The following LDAH variants were observed in gnomAD, a reference collection of about 807,000 sequenced individuals.
LDAH encodes lipid droplet-associated hydrolase.
Under a neutral mutation model 29.6 loss-of-function variants are expected in LDAH, and 26 were observed. The observed-to-expected ratio is 0.88, with a 90% CI of 0.64 to 1.22. The LOEUF (loss-of-function observed/expected upper bound fraction) is 1.22, where lower values mean the gene tolerates loss of function less well. LDAH is among the 50% of genes most tolerant of loss of function. LDAH has a pLI of 0.00. For synonymous variants in LDAH, 117 were observed against 133.0 expected (o/e 0.88, Z 0.83); for missense variants, 344 against 387.3 (o/e 0.89, Z 0.94).
Position 20,764,177 on chromosome 2 carries a change from A to ATGTG in LDAH, c.468+10629_468+10632dup, listed in dbSNP as rs10647267. Among the ~76,000 whole-genome samples, 29 of 152,014 alleles carry ATGTG rather than the reference A, an allele frequency of 1.9e-4. No homozygotes were observed. In the East Asian group the frequency reaches 3.5e-3, roughly 18 times the overall value. ...TATTCTGGGTAACTCAGAAAAGATA[A>ATGTG]TGTGTGTGTGTGCGCACAAATATGC... is the stretch of plus-strand genomic sequence containing the variant. On this transcript the variant is annotated intron_variant, in intron 4 of 6. Transcript: ENST00000237822.
intron 5 of LDAH, among the ~76,000 whole-genome samples, chr2:20,722,507 C>G (rs949339506): frequency 1.3e-5 from 2 of 151,308 alleles, no homozygotes; most frequent in African/African-American, 4.9e-5. Flanking sequence ...AAAACAGAAT[C>G]AGATATAAGA....
At chr2:20,772,355 G>C (rs1669490575) in intron 4 of LDAH, among the ~76,000 whole-genome samples, 1 of 152,232 alleles carries the variant, frequency 6.6e-6, no homozygotes, top group African/African-American at 2.4e-5. Context: ...AAGACACCTG[G>C]AACAACTAAC....
intron 1 of LDAH, among the ~76,000 whole-genome samples, chr2:20,803,483 T>C (rs1432110830): frequency 6.6e-6 from 1 of 152,206 alleles, no homozygotes; most frequent in Non-Finnish European, 1.5e-5. Flanking sequence ...TCTAGATTGC[T>C]ACACAGGGAG....
chr2:20,799,970 C>T (rs892844887), intron 2 of LDAH, among the ~76,000 whole-genome samples: 1 of 152,192 alleles, frequency 6.6e-6, no homozygotes, highest in South Asian at 2.1e-4. Context: ...ACAGGATAAT[C>T]TACTTTACAA....
rs959619699 is a variant in LDAH at position 20,686,104 on chromosome 2, A to G, written c.*799T>C. 2 of 156,044 alleles carry G rather than the reference A, an allele frequency of 1.3e-5. No homozygotes were observed. The highest frequency in any genetic ancestry group is 4.8e-5 in the African/African-American group (2 of 41,486). The allele number at this position is 156,044 out of a possible 1,614,324, so 9.7% of individuals were successfully genotyped here. ...GGAGCAACTGTACGTTGGCACATCC[A>G]AGCCTGCTTTGGGACAGCCCAGTGC... On this transcript the variant is annotated 3_prime_UTR_variant, in exon 7 of 7. Transcript: ENST00000237822.
rs1662586075 is a variant in LDAH, at chr2:20,686,747, C to T, written c.*156G>A. ...GATTCATCAACTGTGTTTACTTCAG[C>T]CTATAACATGGCGAGCGGAGAGTTG... On this transcript the variant is annotated 3_prime_UTR_variant, in exon 7 of 7. Coordinates refer to ENST00000237822, the MANE Select transcript of LDAH (RefSeq NM_021925.4). The T allele has an allele frequency of 1.6e-6, 1 of 635,730 alleles. No homozygotes were observed. Among genetic ancestry groups the T allele is most frequent in the African/African-American group, 1.8e-5 (1 of 54,208 alleles). 39.4% of individuals were successfully genotyped at this position (635,730 alleles called of 1,614,324 possible).
At chr2:20,716,394 G>A (rs1254665615) in intron 5 of LDAH, among the ~76,000 whole-genome samples, 1 of 152,072 alleles carries the variant, frequency 6.6e-6, no homozygotes, top group African/African-American at 2.4e-5. Context: ...ATACTATGCA[G>A]CCATAAAGAA....
intron 1 of LDAH, among the ~76,000 whole-genome samples, chr2:20,811,174 C>A (rs1386153349): frequency 1.3e-5 from 2 of 151,040 alleles, no homozygotes; most frequent in South Asian, 2.1e-4. Context: ...CCCGCCACCA[C>A]GGCCGGCTAA....
intron 1 of LDAH, among the ~76,000 whole-genome samples, chr2:20,809,068 G>A (rs895975003): frequency 1.3e-5 from 2 of 151,924 alleles, no homozygotes; most frequent in African/African-American, 2.4e-5. Flanking sequence ...CAAAGGTTTC[G>A]TAAACAAGGT....
intron 4 of LDAH, among the ~76,000 whole-genome samples, chr2:20,771,921 G>A (rs634177): frequency 0.99 from 150,671 of 152,320 alleles, 74,532 homozygotes; most frequent in Middle Eastern, 1. Flanking sequence ...TCCACAAATA[G>A]AGTAGGTTAA....
At chr2:20,689,782 G>T (rs556375678) in intron 6 of LDAH, among the ~76,000 whole-genome samples, 5 of 152,308 alleles carry the variant, frequency 3.3e-5, no homozygotes, top group African/African-American at 1.2e-4. Flanking sequence ...TGGAAAGTCA[G>T]ACTTGGGTTC....
chr2:20,774,890 C>A lies in LDAH; in HGVS notation c.388G>T (p.Asp130Tyr), dbSNP rs756215719. Residue 130 changes from aspartate (D) to tyrosine (Y), a missense_variant, in exon 4 of 7, where the codon GAC becomes TAC. Physicochemically the swap from Asp to Tyr is radical, Grantham distance 160. Transcript: ENST00000237822. ...LAFLRTHVPK[D>Y]MKLVLIGHSI... ...TGGCCAATGAGCACAAGTTTCATGTCCTTTGGCACATGAGTTCTCAGGAAA... is the reference window on the plus strand; with the variant it reads ...TGGCCAATGAGCACAAGTTTCATGTACTTTGGCACATGAGTTCTCAGGAAA... 6.2e-7 allele frequency: 1 copy of A among 1,613,592 alleles called. No individual in the cohort carries two copies. The highest frequency in any genetic ancestry group is 1.7e-4 in the Middle Eastern group (1 of 5,740).
Position 20,781,191 on chromosome 2 carries a change from T to C in LDAH, c.299-6212A>G, listed in dbSNP as rs114391523. Among the ~76,000 whole-genome samples, 341 of 152,266 alleles carry C rather than the reference T, an allele frequency of 2.2e-3. 2 individuals carry two copies. Among genetic ancestry groups the C allele is most frequent in the African/African-American group, 7.8e-3 (323 of 41,540 alleles). ...TGTGCTGACTCTATAGCAAATCAAATCCAGAAAACAGTTTATACTCCTAAC... is the reference window on the plus strand; with the variant it reads ...TGTGCTGACTCTATAGCAAATCAAACCCAGAAAACAGTTTATACTCCTAAC... On this transcript the variant is annotated intron_variant, in intron 3 of 6. Transcript: ENST00000237822.
intron 5 of LDAH, among the ~76,000 whole-genome samples, chr2:20,733,936 A>C (rs912340330): frequency 6.6e-6 from 1 of 152,170 alleles, no homozygotes; most frequent in Non-Finnish European, 1.5e-5. Context: ...TTAAAGATCT[A>C]ACTTTTGTTA....
chr2:20,739,596 G>T (rs545357528), intron 5 of LDAH, among the ~76,000 whole-genome samples: 1 of 152,258 alleles, frequency 6.6e-6, no homozygotes, highest in East Asian at 1.9e-4. Flanking sequence ...AACTCTACAA[G>T]AATATTAGGC....
At chr2:20,817,109 C>T (rs1162974914) in intron 1 of LDAH, among the ~76,000 whole-genome samples, 1 of 151,638 alleles carries the variant, frequency 6.6e-6, no homozygotes, top group South Asian at 2.1e-4. Context: ...ACGTTAGAAA[C>T]AAAGAAAGAC....
intron 5 of LDAH, among the ~76,000 whole-genome samples, chr2:20,711,523 C>CTT (rs1664765605): frequency 6.6e-6 from 1 of 152,002 alleles, no homozygotes; most frequent in African/African-American, 2.4e-5. Context: ...TGGTTCATCT[C>CTT]ATTGGGACTG....
chr2:20,788,891 A>T, intron 3 of LDAH: 2 of 386,702 alleles, frequency 5.2e-6, no homozygotes, highest in East Asian at 5.3e-5. Flanking sequence ...ATTTTTTGGA[A>T]CAGTGAACAT....
At chr2:20,799,230 C>CA (rs1316436656) in intron 2 of LDAH, among the ~76,000 whole-genome samples, 5 of 151,886 alleles carry the variant, frequency 3.3e-5, no homozygotes, top group Non-Finnish European at 7.4e-5. Context: ...TCTGTCTAAA[C>CA]AAACAAACAA....
Sources: gnomAD v4.1 joint callset for allele counts (sites outside exome capture counted in the v4.1 genomes callset) on GRCh38, gnomAD v4.1.1 for gene constraint, MANE v1.5 for transcripts, NCBI Gene and HGNC (gene_info 2026-07-23, HGNC 2026-07-21) for gene names.